Variants in TNS2 observed in about 807,000 individuals in gnomAD.
TNS2 encodes the protein tensin 2.
Under a neutral mutation model 155.7 loss-of-function variants are expected in TNS2, and 77 were observed. The observed-to-expected ratio is 0.49, with a 90% CI of 0.41 to 0.60. The LOEUF (loss-of-function observed/expected upper bound fraction) is 0.60, where lower values mean the gene tolerates loss of function less well. Ranked by LOEUF, TNS2 falls within the 20% of genes least tolerant of loss-of-function variation. The pLI is 0.00. For synonymous variants in TNS2, 726 were observed against 763.9 expected, an observed-to-expected ratio of 0.95 and a Z score of 0.82; for missense variants, 1,703 against 1,868.8, an observed-to-expected ratio of 0.91 and a Z score of 1.64.
chr12:53,061,348 TG>T (rs757375683), intron 20 of TNS2, 31 bp from the exon 21 acceptor site: 32 of 1,613,250 alleles, frequency 2.0e-5, no homozygotes, highest in Non-Finnish European at 2.7e-5. Flanking sequence ...CCGGGTACCC[TG>T]GGGTCTGAAC....
chr12:53,052,015 TTGCACAACTCCA>T, intron 2 of TNS2, 52 bp downstream of exon 2: 4 of 1,442,074 alleles, frequency 2.8e-6, no homozygotes, highest in Non-Finnish European at 3.9e-6. Context: ...TACCACTGTG[TTGCACAACTCCA>T]GCAGGCCAGC....
At chr12:53,054,820 C>A (rs1944082795) in intron 7 of TNS2, among the ~76,000 whole-genome samples, 1 of 146,062 alleles carries the variant, frequency 6.8e-6, no homozygotes, top group South Asian at 2.2e-4. Flanking sequence ...TACAGGCGTG[C>A]GTCACTCACG....
At position 53,058,574 on chromosome 12, in the gene TNS2, G is replaced by A. The variant is rs1944248933; in HGVS notation, c.1228G>A (p.Glu410Lys). ...TCTTCACTGTCCACTCCCCATAGAT[G>A]AGAGGTTCCCCTTCCAAGCCTCCGT... Reference protein sequence around the residue: ...KDQLDEAWTDERFPFQASVEF... With the variant: ...KDQLDEAWTDKRFPFQASVEF... Residue 410 changes from glutamate (E) to lysine (K), a missense_variant and splice_region_variant, in exon 16 of 29, where the codon GAG becomes AAG. Coordinates refer to ENST00000314250, the MANE Select transcript of TNS2 (RefSeq NM_170754.4). 1 of 1,613,992 alleles carries A rather than the reference G, an allele frequency of 6.2e-7. No individual in the cohort carries two copies. The highest frequency in any genetic ancestry group is 1.1e-5 in the South Asian group (1 of 91,088).
At chr12:53,047,445 G>A (rs965015931), upstream of TNS2, among the ~76,000 whole-genome samples, 4 of 145,426 alleles carry the variant, frequency 2.8e-5, no homozygotes, top group Non-Finnish European at 4.6e-5. Context: ...CCAGGGGCGG[G>A]CGCCAGGGGG....
At position 53,055,694 on chromosome 12, in the gene TNS2, G is replaced by T; in HGVS notation, c.696+4G>T. On this transcript the variant is annotated splice_donor_region_variant and intron_variant, in intron 9 of 28. Coordinates refer to ENST00000314250, the MANE Select transcript of TNS2 (RefSeq NM_170754.4). ...CGTGGTCGTACTATACTGCAAGGTG[G>T]GCCAGGACCTCGGGTTCCCTGGTGC... The T allele has an allele frequency of 6.2e-7, 1 of 1,614,188 alleles. No individual in the cohort carries two copies. Among genetic ancestry groups the T allele is most frequent in the Non-Finnish European group, 8.5e-7 (1 of 1,180,038 alleles).
At chr12:53,062,522 C>T (rs1332345097) in intron 24 of TNS2, 69 bp downstream of exon 24, 16 of 1,607,992 alleles carry the variant, frequency 1.0e-5, no homozygotes, top group African/African-American at 1.3e-5. Flanking sequence ...ATCCAGAGGT[C>T]TTGGCTCCCC....
chr12:53,063,431 C>T lies in TNS2; in HGVS notation c.4061+14C>T. 6.2e-7 allele frequency: 1 copy of T among 1,613,780 alleles called. No individual in the cohort carries two copies. The highest frequency in any genetic ancestry group is 8.5e-7 in the Non-Finnish European group (1 of 1,179,998). On this transcript the variant is annotated intron_variant, in intron 27 of 28. Transcript: ENST00000314250. The surrounding 1 kb of genome is among the most constrained non-coding windows in gnomAD (Gnocchi z 5.6). ...TCAAGACCGGAGGTGACTCTCCCTC[C>T]AAACCCTTTGCCCCAAATCCCCATG...
chr12:53,051,042 G>A (rs952823881), intron 1 of TNS2, among the ~76,000 whole-genome samples: 3 of 152,168 alleles, frequency 2.0e-5, no homozygotes, highest in African/African-American at 7.2e-5. Context: ...GGAGGGGAAG[G>A]GACTGAGATA....
chr12:53,062,297 C>T, intron 23 of TNS2, 52 bp downstream of exon 23: 2 of 1,612,536 alleles, frequency 1.2e-6, no homozygotes, highest in Non-Finnish European at 1.7e-6. Context: ...TAGGGAGATG[C>T]CAAGGGATCT....
At chr12:53,055,010 C>T (rs986133516) in intron 7 of TNS2, among the ~76,000 whole-genome samples, 176 bp from the exon 8 acceptor site, 3 of 152,082 alleles carry the variant, frequency 2.0e-5, no homozygotes, top group African/African-American at 7.2e-5. Context: ...TCTCGAACTC[C>T]TGACCTCAGG....
upstream of TNS2, among the ~76,000 whole-genome samples, chr12:53,047,437 A>AG (rs1943763450): frequency 7.0e-6 from 1 of 142,090 alleles, no homozygotes; most frequent in Non-Finnish European, 1.6e-5. Flanking sequence ...GGGCAGTGCC[A>AG]GGGGCGGGCG....
At position 53,060,329 on chromosome 12, in the gene TNS2, G is replaced by A; in HGVS notation, c.2617+71G>A. 6.4e-7 allele frequency: 1 copy of A among 1,567,666 alleles called. No homozygotes were observed. Among genetic ancestry groups the A allele is most frequent in the Non-Finnish European group, 8.7e-7 (1 of 1,154,272 alleles). ...GGAAGATGGTGGGGAAGTCAAGGGG[G>A]AACAGGGTGAGAAACAGCTAAGCCA... is the stretch of plus-strand genomic sequence containing the variant. On this transcript the variant is annotated intron_variant, in intron 18 of 28. Coordinates refer to ENST00000314250, the MANE Select transcript of TNS2 (RefSeq NM_170754.4). The surrounding 1 kb of genome is among the most constrained non-coding windows in gnomAD (Gnocchi z 6.1).
In TNS2 at chr12:53,060,352, C is replaced by A; in HGVS notation, c.2618-53C>A. ...GGGAACAGGGTGAGAAACAGCTAAG[C>A]CAGACAGAAGAGCCCCATCCTGCTC... On this transcript the variant is annotated intron_variant, in intron 18 of 28. Coordinates refer to ENST00000314250, the MANE Select transcript of TNS2 (RefSeq NM_170754.4). This position sits in a 1 kb window ranked among gnomAD's most constrained non-coding sequence, Gnocchi z 6.1. 1 of 1,586,900 alleles carries A rather than the reference C, an allele frequency of 6.3e-7. No homozygotes were observed.
intron 3 of TNS2, among the ~76,000 whole-genome samples, chr12:53,052,776 G>A (rs762397541): frequency 3.5e-5 from 5 of 142,060 alleles, no homozygotes; most frequent in African/African-American, 5.1e-5. Flanking sequence ...GGGAAGAGGA[G>A]GAGAATGAGG....
chr12:53,061,739 A>G lies in TNS2; in HGVS notation c.3449-76A>G, dbSNP rs200423147. 1.1e-5 allele frequency: 17 copies of G among 1,552,078 alleles called. No homozygotes were observed. In the South Asian group the frequency reaches 2.1e-4, roughly 19 times the overall value. On this transcript the variant is annotated intron_variant, in intron 21 of 28. Transcript: ENST00000314250. ...CAGAGACCATGGAGCTTGGCAGCAG[A>G]GGAGGGGGGCTGCATGGGGCTCAGT... is the stretch of plus-strand genomic sequence containing the variant.
upstream of TNS2, among the ~76,000 whole-genome samples, chr12:53,049,547 A>G (rs117393263): frequency 0.01 from 1,527 of 152,156 alleles, 55 homozygotes; most frequent in East Asian, 0.094. Context: ...TGGGCGGTGC[A>G]TGCTTTCCTT....
upstream of TNS2, among the ~76,000 whole-genome samples, chr12:53,048,074 G>GT (rs1352613499): frequency 6.6e-6 from 1 of 152,220 alleles, no homozygotes; most frequent in Non-Finnish European, 1.5e-5. Flanking sequence ...CGGGAGGAGG[G>GT]TGAGGGTCCA....
Position 53,063,641 on chromosome 12 carries a change from C to T in TNS2, c.4091+49C>T. 3 of 1,614,232 alleles carry T rather than the reference C, an allele frequency of 1.9e-6. No homozygotes were observed. The highest frequency in any genetic ancestry group is 2.5e-6 in the Non-Finnish European group (3 of 1,180,016). The stretch of plus-strand genomic sequence containing the variant: ...CTCTTCCTTCCAAGGGACCAGGGCG[C>T]TGCTGTCCTCTCAATGCTGGCATTT... On this transcript the variant is annotated intron_variant, in intron 28 of 28. Transcript: ENST00000314250. The surrounding 1 kb of genome is among the most constrained non-coding windows in gnomAD (Gnocchi z 5.6).
At position 53,062,054 on chromosome 12, in the gene TNS2, G is replaced by A. The variant is rs542463603; in HGVS notation, c.3575-99G>A. 1,287 of 1,610,896 alleles carry A rather than the reference G, an allele frequency of 8.0e-4. 1 individual carries two copies. The highest frequency in any genetic ancestry group is 9.9e-4 in the Non-Finnish European group (1,163 of 1,178,204). On this transcript the variant is annotated intron_variant, in intron 22 of 28. Transcript: ENST00000314250. ...TGGCCATGCCGCTGTAGAGGGGAGA[G>A]GTAGGAAAAGACCTCAGCTGCTCGG...
Sources: allele counts gnomAD v4.1 joint callset (sites outside exome capture counted in the v4.1 genomes callset), GRCh38; gene constraint gnomAD v4.1.1; non-coding constraint Gnocchi (gnomAD v3.1); transcripts MANE v1.5; gene names NCBI Gene and HGNC (gene_info 2026-07-23, HGNC 2026-07-21).